The following PRPF38B variants were observed in gnomAD, a reference collection of about 807,000 sequenced individuals.
PRPF38B encodes the protein pre-mRNA processing factor 38B.
PRPF38B carries 18 observed loss-of-function variants against 67.2 expected under a neutral mutation model. The ratio of observed to expected loss-of-function variants is 0.27; its 90% CI spans 0.19 to 0.40. The LOEUF is 0.40. PRPF38B is among the 10% of genes least tolerant of loss of function. The pLI, the probability that PRPF38B is intolerant of heterozygous loss-of-function variation, is 1.00. For missense variants in PRPF38B, 544 were observed against 684.9 expected (o/e 0.79, Z 2.30); for synonymous variants, 246 against 234.2 (o/e 1.05, Z -0.46).
chr1:108,694,261 T>C lies in PRPF38B; in HGVS notation c.276+1394T>C, dbSNP rs534994964. Among the ~76,000 whole-genome samples, 26 of 152,354 alleles carry C rather than the reference T, an allele frequency of 1.7e-4. No individual in the cohort carries two copies. The East Asian group carries it at 3.3e-3, about 19-fold the overall frequency. On this transcript the variant is annotated intron_variant, in intron 1 of 5. Coordinates refer to ENST00000370025, the MANE Select transcript of PRPF38B (RefSeq NM_018061.4). The stretch of plus-strand genomic sequence containing the variant: ...AACATTTAATCCTTAGCTTTATTTA[T>C]GCAGTAAACTTTAAACAGTTGAAAA...
At chr1:108,697,538 C>CTTTTTTTTTTTTTTTTTTTTT (rs34770110) in intron 4 of PRPF38B, 3 of 146,068 alleles carry the variant, frequency 2.1e-5, no homozygotes, top group African/African-American at 7.8e-5. Flanking sequence ...TTATTTTTCT[C>CTTTTTTTTTTTTTTTTTTTTT]TTTTTTTTTT....
In PRPF38B at chr1:108,692,655, G is replaced by C. The variant is rs1316627399; in HGVS notation, c.64G>C (p.Ala22Pro). 1 of 1,611,756 alleles carries C rather than the reference G, an allele frequency of 6.2e-7. No individual in the cohort carries two copies. The highest frequency in any genetic ancestry group is 8.5e-7 in the Non-Finnish European group (1 of 1,179,414). The change falls in exon 1 of 6, where the codon GCG (alanine) becomes CCG (proline). Residue 22 changes from alanine (A) to proline (P), a missense_variant. Ala to Pro is a conservative substitution (Grantham distance 27). Coordinates refer to ENST00000370025, the MANE Select transcript of PRPF38B (RefSeq NM_018061.4). Reference sequence around the variant, plus strand: ...GCCGCAGCACCAGGCGGCTGCAGCTGCGGCTCAGCAACAGCAGCAGTGCGG... The same window carrying C: ...GCCGCAGCACCAGGCGGCTGCAGCTCCGGCTCAGCAACAGCAGCAGTGCGG... Reference protein sequence around the residue: ...SQPQHQAAAAAAQQQQQCGGG... With the variant: ...SQPQHQAAAAPAQQQQQCGGG...
Position 108,699,525 on chromosome 1 carries a change from A to G in PRPF38B, c.1146A>G (p.Arg382=). The G allele has an allele frequency of 1.3e-6, 2 of 1,559,168 alleles. No homozygotes were observed. The highest frequency in any genetic ancestry group is 2.3e-5 in the South Asian group (2 of 85,284). The part of the protein sequence containing the change: ...KERGNEREKE[R]ERSRERSKEQ... ...GAGGAAATGAACGAGAAAAAGAGAG[A>G]GAGCGATCAAGAGAAAGGTCCAAGG... Residue 382 remains arginine (R), a synonymous_variant, in exon 6 of 6, where the codon AGA becomes AGG. Coordinates refer to ENST00000370025, the MANE Select transcript of PRPF38B (RefSeq NM_018061.4).
chr1:108,698,291 G>A (rs181998797), intron 4 of PRPF38B: 1 of 239,886 alleles, frequency 4.2e-6, no homozygotes, highest in East Asian at 8.7e-5. Flanking sequence ...TAAATACATA[G>A]TAGGTATGTG....
Position 108,699,895 on chromosome 1 carries a change from C to T in PRPF38B, c.1516C>T (p.Arg506Cys), listed in dbSNP as rs768722478. Residue 506 changes from arginine to cysteine, a missense_variant, in exon 6 of 6, where the codon CGT (arginine) becomes TGT (cysteine). Around this residue, in one of 5 missense-constraint regions of PRPF38B, gnomAD observed 387 missense variants for 386.1 expected, o/e 1.00. Transcript: ENST00000370025. ...KSRKRSRSKE[R>C]SHKRDHSDSK... Reference sequence around the variant, plus strand: ...TAGAAAGCGTAGTAGAAGCAAAGAACGTTCCCACAAACGAGATCACAGTGA... The same window carrying T: ...TAGAAAGCGTAGTAGAAGCAAAGAATGTTCCCACAAACGAGATCACAGTGA... 24 of 1,614,006 alleles carry T rather than the reference C, an allele frequency of 1.5e-5. No homozygotes were observed. Among genetic ancestry groups the T allele is most frequent in the South Asian group, 5.5e-5 (5 of 91,084 alleles).
Position 108,700,112 on chromosome 1 carries a change from C to T in PRPF38B, c.*92C>T, listed in dbSNP as rs1660329789. ...TTGAGATTGTGCAGTAGTTCGCACT[C>T]CTCAAGCTCTCCCTGTAGGCTGCAT... On this transcript the variant is annotated 3_prime_UTR_variant, in exon 6 of 6. Transcript: ENST00000370025. 4.0e-6 allele frequency: 6 copies of T among 1,482,072 alleles called. No homozygotes were observed. In the South Asian group the frequency reaches 9.0e-5, roughly 22 times the overall value. The allele number at this position is 1,482,072 out of a possible 1,614,324, so 91.8% of individuals were successfully genotyped here.
chr1:108,698,450 C>T, intron 4 of PRPF38B, 154 bp from the exon 5 acceptor site: 2 of 619,688 alleles, frequency 3.2e-6, no homozygotes, highest in Non-Finnish European at 5.5e-6. Flanking sequence ...CCAAATATTT[C>T]TGTTCATTCA....
intron 1 of PRPF38B, among the ~76,000 whole-genome samples, chr1:108,693,967 G>GT (rs1395118927): frequency 1.2e-4 from 18 of 152,272 alleles, no homozygotes; most frequent in African/African-American, 4.3e-4. Flanking sequence ...TCATTTGAAC[G>GT]TATGTGTAGA....
intron 1 of PRPF38B, chr1:108,693,465 G>A (rs1369520404): frequency 1.7e-5 from 5 of 287,456 alleles, no homozygotes; most frequent in Admixed American, 1.3e-4. Flanking sequence ...CTGTGCATTG[G>A]GCTAATTTAG....
Position 108,698,635 on chromosome 1 carries a change from T to C in PRPF38B, c.590T>C (p.Val197Ala). ...DLDVKAGGGC[V>A]MTIGEMLRSF... ...GATGTGAAGGCTGGTGGAGGCTGTG[T>C]AATGACCATTGGAGAAATGCTACGA... Residue 197 changes from valine to alanine, a missense_variant, in exon 5 of 6, where the codon GTA becomes GCA. Val to Ala is a moderately conservative substitution (Grantham distance 64). This residue lies in a region of PRPF38B where 57 missense variants were observed against 122.7 expected (regional missense o/e 0.46). Coordinates refer to ENST00000370025, the MANE Select transcript of PRPF38B (RefSeq NM_018061.4). 1 of 1,613,856 alleles carries C rather than the reference T, an allele frequency of 6.2e-7. No individual in the cohort carries two copies.
At position 108,701,628 on chromosome 1, in the gene PRPF38B, T is replaced by C. The variant is rs954725556; in HGVS notation, c.*1608T>C. Reference sequence around the variant, plus strand: ...CAGTGTAGTGAACCTGGCACGCACATTGAGGTTTGTTTTATCTCACTGGTT... The same window carrying C: ...CAGTGTAGTGAACCTGGCACGCACACTGAGGTTTGTTTTATCTCACTGGTT... On this transcript the variant is annotated 3_prime_UTR_variant, in exon 6 of 6. Coordinates refer to ENST00000370025, the MANE Select transcript of PRPF38B (RefSeq NM_018061.4). 7.2e-5 allele frequency: 11 copies of C among 152,318 alleles called. No individual in the cohort carries two copies. The East Asian group carries it at 2.1e-3, about 29-fold the overall frequency. 9.4% of individuals were successfully genotyped at this position (152,318 alleles called of 1,614,324 possible).
rs944779887 is a variant in PRPF38B at position 108,702,237 on chromosome 1, G to A, written c.*2217G>A. On this transcript the variant is annotated 3_prime_UTR_variant, in exon 6 of 6. Coordinates refer to ENST00000370025, the MANE Select transcript of PRPF38B (RefSeq NM_018061.4). ...ACTTCCCTGGCTCAAGTGATCCTCC[G>A]AACTTGGCCTCCTAAGTAGCTGGGA... Among the ~76,000 whole-genome samples, 18 of 152,020 alleles carry A rather than the reference G, an allele frequency of 1.2e-4. No homozygotes were observed. Among genetic ancestry groups the A allele is most frequent in the Admixed American group, 3.9e-4 (6 of 15,266 alleles).
chr1:108,702,923 C>T lies in PRPF38B; in HGVS notation c.*2903C>T, dbSNP rs1033272003. On this transcript the variant is annotated 3_prime_UTR_variant, in exon 6 of 6. Coordinates refer to ENST00000370025, the MANE Select transcript of PRPF38B (RefSeq NM_018061.4). Reference sequence around the variant, plus strand: ...TTTGCAATTAAATTCTATACATGGGCGAGTATATCATCAATCTTAAACTTT... The same window carrying T: ...TTTGCAATTAAATTCTATACATGGGTGAGTATATCATCAATCTTAAACTTT... Among the ~76,000 whole-genome samples the T allele has an allele frequency of 2.6e-5, 4 of 152,070 alleles. No homozygotes were observed. The highest frequency in any genetic ancestry group is 6.5e-5 in the Admixed American group (1 of 15,274).
intron 1 of PRPF38B, among the ~76,000 whole-genome samples, chr1:108,694,832 T>A (rs1445885952): frequency 1.3e-5 from 2 of 151,618 alleles, no homozygotes; most frequent in Admixed American, 6.5e-5. Flanking sequence ...AATATTCTTT[T>A]GTTGTTGTTG....
rs1462275738 is a variant in PRPF38B at position 108,702,129 on chromosome 1, AGTTT to A, written c.*2114_*2117del. On this transcript the variant is annotated 3_prime_UTR_variant, in exon 6 of 6. Transcript: ENST00000370025. ...TACATTTGATTTCTTGTGGGTTTTT[AGTTT>A]GTTTTTGTTTTGAGACGGGCCTGGC... Among the ~76,000 whole-genome samples the A allele has an allele frequency of 6.6e-6, 1 of 152,016 alleles. No homozygotes were observed. The highest frequency in any genetic ancestry group is 1.5e-5 in the Non-Finnish European group (1 of 67,974).
chr1:108,700,983 T>A lies in PRPF38B; in HGVS notation c.*963T>A, dbSNP rs562130823. On this transcript the variant is annotated 3_prime_UTR_variant, in exon 6 of 6. Coordinates refer to ENST00000370025, the MANE Select transcript of PRPF38B (RefSeq NM_018061.4). ...ACAGCTTGATATAGTGTCCTTTTTT[T>A]AAAATTCAGAACTTTTTTTATTGAT... 10 of 152,624 alleles carry A rather than the reference T, an allele frequency of 6.6e-5. No individual in the cohort carries two copies. The highest frequency in any genetic ancestry group is 3.9e-4 in the East Asian group (2 of 5,190). 9.5% of individuals were successfully genotyped at this position (152,624 alleles called of 1,614,324 possible).
rs1464953308 is a variant in PRPF38B at position 108,699,157 on chromosome 1, C to A, written c.783-5C>A. 2 of 1,586,802 alleles carry A rather than the reference C, an allele frequency of 1.3e-6. No homozygotes were observed. Among genetic ancestry groups the A allele is most frequent in the Non-Finnish European group, 1.7e-6 (2 of 1,169,366 alleles). On this transcript the variant is annotated splice_polypyrimidine_tract_variant and splice_region_variant and intron_variant, in intron 5 of 5. Coordinates refer to ENST00000370025, the MANE Select transcript of PRPF38B (RefSeq NM_018061.4). Reference sequence around the variant, plus strand: ...AAATTTTCTTTCTCCCTCCGCCTTCCTTAGGTCTCCAAGGAGATCTCTGAG... The same window carrying A: ...AAATTTTCTTTCTCCCTCCGCCTTCATTAGGTCTCCAAGGAGATCTCTGAG...
In PRPF38B at chr1:108,699,324, G is replaced by A; in HGVS notation, c.945G>A (p.Arg315=). The part of the protein sequence containing the change: ...EREAKEREKE[R]RRSRSIDRGL... ...AAGCCAAAGAAAGGGAGAAAGAACG[G>A]CGAAGATCCCGAAGTATTGACCGGG... The change falls in exon 6 of 6, where the codon CGG becomes CGA. Residue 315 remains arginine, a synonymous_variant. Coordinates refer to ENST00000370025, the MANE Select transcript of PRPF38B (RefSeq NM_018061.4). The A allele has an allele frequency of 6.2e-7, 1 of 1,614,148 alleles. No individual in the cohort carries two copies. The highest frequency in any genetic ancestry group is 8.5e-7 in the Non-Finnish European group (1 of 1,180,014).
At chr1:108,697,077 CAAAA>C in intron 4 of PRPF38B, 1 of 260,920 alleles carries the variant, frequency 3.8e-6, no homozygotes, top group Non-Finnish European at 7.2e-6. Context: ...CTCATCTCTA[CAAAA>C]AAAAGTTTAA....
Sources: allele counts gnomAD v4.1 joint callset (sites outside exome capture counted in the v4.1 genomes callset), GRCh38; gene constraint gnomAD v4.1.1; regional missense constraint gnomAD v4.1.1; transcripts MANE v1.5; gene names NCBI Gene and HGNC (gene_info 2026-07-23, HGNC 2026-07-21).